The following ONECUT2 variants were observed in gnomAD, a reference collection of about 807,000 sequenced individuals.
The protein encoded by ONECUT2 is one cut homeobox 2.
Under a neutral mutation model 27.9 loss-of-function variants are expected in ONECUT2, and 10 were observed. That is an observed-to-expected ratio of 0.36 (90% CI 0.22 to 0.61). The LOEUF (loss-of-function observed/expected upper bound fraction) is 0.61, where lower values mean the gene tolerates loss of function less well. Ranked by LOEUF, ONECUT2 falls within the 20% of genes least tolerant of loss-of-function variation. The pLI is 0.73. For synonymous variants in ONECUT2, 334 were observed against 315.1 expected, an observed-to-expected ratio of 1.06 and a Z score of -0.64; for missense variants, 686 against 721.0, an observed-to-expected ratio of 0.95 and a Z score of 0.56.
chr18:57,455,993 A>G (rs971158555), intron 1 of ONECUT2, among the ~76,000 whole-genome samples: 14 of 152,248 alleles, frequency 9.2e-5, no homozygotes, highest in African/African-American at 3.4e-4. Context: ...GTTCCCTCTC[A>G]GAGCTCTGAC....
chr18:57,468,407 ACTGGCTC>A (rs1410826931), intron 1 of ONECUT2, among the ~76,000 whole-genome samples: 1 of 152,230 alleles, frequency 6.6e-6, no homozygotes, highest in African/African-American at 2.4e-5. Context: ...GGTTCATGGT[ACTGGCTC>A]CATGGTCATC....
chr18:57,441,286 G>T (rs866113368), intron 1 of ONECUT2, among the ~76,000 whole-genome samples: 2 of 152,256 alleles, frequency 1.3e-5, no homozygotes, highest in Admixed American at 1.3e-4. Flanking sequence ...AGATTTCATT[G>T]ATCTGGAACT....
intron 1 of ONECUT2, among the ~76,000 whole-genome samples, chr18:57,441,309 T>C (rs1307874780): frequency 2.0e-5 from 3 of 152,202 alleles, no homozygotes; most frequent in Non-Finnish European, 4.4e-5. Context: ...ATCCGGCGCG[T>C]TTCCAGTAAG....
chr18:57,474,503 AT>A (rs1221948970), intron 1 of ONECUT2, among the ~76,000 whole-genome samples: 1 of 152,192 alleles, frequency 6.6e-6, no homozygotes, highest in Non-Finnish European at 1.5e-5. Flanking sequence ...GCGTCAGGCG[AT>A]AGTCTGTGTC....
chr18:57,476,346 C>T, intron 1 of ONECUT2, 91 bp from the exon 2 acceptor site: 1 of 1,346,306 alleles, frequency 7.4e-7, no homozygotes. Flanking sequence ...TAACGGTTTA[C>T]ATCTCTTTGT....
Position 57,488,312 on chromosome 18 carries a change from A to G in ONECUT2, c.*11589A>G, listed in dbSNP as rs1056449374. On this transcript the variant is annotated 3_prime_UTR_variant, in exon 2 of 2. Transcript: ENST00000491143. ...AGAAAGCTTTATATGTTGTTCCACA[A>G]TAAAATTGATATTTGTTTCAGCAAA... 1 of 152,654 alleles carries G rather than the reference A, an allele frequency of 6.6e-6. No homozygotes were observed. Among genetic ancestry groups the G allele is most frequent in the Admixed American group, 6.5e-5 (1 of 15,282 alleles). 9.5% of individuals were successfully genotyped at this position (152,654 alleles called of 1,614,324 possible).
At chr18:57,453,683 G>C (rs1437801599) in intron 1 of ONECUT2, among the ~76,000 whole-genome samples, 2 of 152,274 alleles carry the variant, frequency 1.3e-5, no homozygotes, top group Admixed American at 6.5e-5. Context: ...ATTAGCCGGA[G>C]TCATAGGACT....
chr18:57,439,839 G>A (rs2050164554), intron 1 of ONECUT2, among the ~76,000 whole-genome samples: 1 of 152,184 alleles, frequency 6.6e-6, no homozygotes, highest in Non-Finnish European at 1.5e-5. Context: ...TAGGTTATAG[G>A]TTCCCTTTCT....
At chr18:57,439,313 G>T (rs375052380) in intron 1 of ONECUT2, among the ~76,000 whole-genome samples, 3 of 152,336 alleles carry the variant, frequency 2.0e-5, no homozygotes, top group Admixed American at 6.5e-5. Context: ...TTTCCGCAGA[G>T]GATCGCTGAA....
At position 57,487,733 on chromosome 18, in the gene ONECUT2, C is replaced by T. The variant is rs1188991305; in HGVS notation, c.*11010C>T. The T allele has an allele frequency of 6.6e-6, 1 of 152,168 alleles. No individual in the cohort carries two copies. Among genetic ancestry groups the T allele is most frequent in the Non-Finnish European group, 1.5e-5 (1 of 68,024 alleles). 9.4% of individuals were successfully genotyped at this position (152,168 alleles called of 1,614,324 possible). On this transcript the variant is annotated 3_prime_UTR_variant, in exon 2 of 2. Transcript: ENST00000491143. ...TAATTTTTACCTGCCCAACAATGTT[C>T]CATCTACCATCTAAAAGGTAATATA...
At chr18:57,469,258 A>T (rs969844250) in intron 1 of ONECUT2, among the ~76,000 whole-genome samples, 1 of 152,178 alleles carries the variant, frequency 6.6e-6, no homozygotes, top group African/African-American at 2.4e-5. Flanking sequence ...TGAAAAGCGA[A>T]AAGGCCTCTT....
chr18:57,457,567 T>C (rs1157917754), intron 1 of ONECUT2, among the ~76,000 whole-genome samples: 2 of 152,166 alleles, frequency 1.3e-5, no homozygotes, highest in African/African-American at 4.8e-5. Flanking sequence ...CCTTTCTCTC[T>C]GCATCCAAAG....
In ONECUT2 at chr18:57,489,799, T is replaced by C. The variant is rs553389003; in HGVS notation, c.*13076T>C. The C allele has an allele frequency of 6.6e-6, 1 of 152,308 alleles. No individual in the cohort carries two copies. Among genetic ancestry groups the C allele is most frequent in the Non-Finnish European group, 1.5e-5 (1 of 68,038 alleles). The allele number at this position is 152,308 out of a possible 1,614,324, so 9.4% of individuals were successfully genotyped here. A position where few individuals can be genotyped will look rare whatever the true frequency, so the allele number is the denominator to read the frequency against. On this transcript the variant is annotated 3_prime_UTR_variant, in exon 2 of 2. Transcript: ENST00000491143. ...TGCCAGCAAACTTCTTACCGTGAAA[T>C]GTTGTAAAACACCTGGCATACTGAA... is the stretch of plus-strand genomic sequence containing the variant.
Position 57,477,091 on chromosome 18 carries a change from G to T in ONECUT2, c.*368G>T. Reference sequence around the variant, plus strand: ...TATCATCCATCCCACTTCAGGTCCTGTCAGCTTCTTGCAGTCAGAGTTCCT... The same window carrying T: ...TATCATCCATCCCACTTCAGGTCCTTTCAGCTTCTTGCAGTCAGAGTTCCT... On this transcript the variant is annotated 3_prime_UTR_variant, in exon 2 of 2. Transcript: ENST00000491143. 1 of 236,852 alleles carries T rather than the reference G, an allele frequency of 4.2e-6. No individual in the cohort carries two copies. The highest frequency in any genetic ancestry group is 7.1e-5 in the South Asian group (1 of 14,094). The allele number at this position is 236,852 out of a possible 1,614,324, so 14.7% of individuals were successfully genotyped here. A position where few individuals can be genotyped will look rare whatever the true frequency, so the allele number is the denominator to read the frequency against.
In ONECUT2 at chr18:57,436,987, G is replaced by T; in HGVS notation, c.1228+43G>T. On this transcript the variant is annotated intron_variant, in intron 1 of 1. Coordinates refer to ENST00000491143, the MANE Select transcript of ONECUT2 (RefSeq NM_004852.3). This position sits in a 1 kb window ranked among gnomAD's most constrained non-coding sequence, Gnocchi z 5.9. ...CAGGGGCCAGGCTGCTGGGAAGAGGGCTCCGGGTCCGGTGCTTGTGGCCCA... is the reference window on the plus strand; with the variant it reads ...CAGGGGCCAGGCTGCTGGGAAGAGGTCTCCGGGTCCGGTGCTTGTGGCCCA... 2 of 1,524,610 alleles carry T rather than the reference G, an allele frequency of 1.3e-6. No individual in the cohort carries two copies. Among genetic ancestry groups the T allele is most frequent in the Non-Finnish European group, 1.8e-6 (2 of 1,135,214 alleles). The allele number at this position is 1,524,610 out of a possible 1,614,324, so 94.4% of individuals were successfully genotyped here.
chr18:57,460,883 G>A (rs1049337597), intron 1 of ONECUT2, among the ~76,000 whole-genome samples: 3 of 151,822 alleles, frequency 2.0e-5, no homozygotes, highest in Admixed American at 6.6e-5. Context: ...TAGAGACAGG[G>A]TGTCACTCTC....
At chr18:57,455,815 G>A (rs115229418) in intron 1 of ONECUT2, among the ~76,000 whole-genome samples, 3,016 of 152,254 alleles carry the variant, frequency 0.02, 103 homozygotes, top group African/African-American at 0.069. Context: ...TAGGGGCAGG[G>A]GAGGGAGTTC....
Position 57,435,839 on chromosome 18 carries a change from C to G in ONECUT2, c.123C>G (p.Gly41=), listed in dbSNP as rs2144278757. 7.0e-6 allele frequency: 7 copies of G among 1,000,826 alleles called. No homozygotes were observed. Among genetic ancestry groups the G allele is most frequent in the Non-Finnish European group, 7.3e-6 (6 of 824,360 alleles). 62.0% of individuals were successfully genotyped at this position (1,000,826 alleles called of 1,614,324 possible). The part of the protein sequence containing the change: ...TLHGPAGGGS[G]GGGGGGGGGG... Reference sequence around the variant, plus strand: ...ACGGGCCGGCCGGCGGCGGCAGTGGCGGGGGCGGCGGCGGGGGCGGCGGGG... The same window carrying G: ...ACGGGCCGGCCGGCGGCGGCAGTGGGGGGGGCGGCGGCGGGGGCGGCGGGG... Residue 41 remains glycine, a synonymous_variant, in exon 1 of 2, where the codon GGC becomes GGG. Coordinates refer to ENST00000491143, the MANE Select transcript of ONECUT2 (RefSeq NM_004852.3).
At chr18:57,469,021 A>G (rs907127132) in intron 1 of ONECUT2, among the ~76,000 whole-genome samples, 1 of 152,098 alleles carries the variant, frequency 6.6e-6, no homozygotes, top group African/African-American at 2.4e-5. Flanking sequence ...CATTCTTCTT[A>G]CCTCAAACAC....
Sources: gnomAD v4.1 joint callset for allele counts (sites outside exome capture counted in the v4.1 genomes callset) on GRCh38, gnomAD v4.1.1 for gene constraint, Gnocchi (gnomAD v3.1) non-coding constraint, MANE v1.5 for transcripts, NCBI Gene and HGNC (gene_info 2026-07-23, HGNC 2026-07-21) for gene names.